CTNNA3: variants seen among roughly 807,000 people sequenced by gnomAD.
The protein encoded by CTNNA3 is catenin alpha-3.
A neutral mutation model predicts 95.7 loss-of-function variants in CTNNA3; 76 were observed. The observed-to-expected ratio is 0.79, with a 90% CI of 0.66 to 0.96. The LOEUF (loss-of-function observed/expected upper bound fraction) is 0.96, where lower values mean the gene tolerates loss of function less well. Ranked by LOEUF, CTNNA3 falls within the 40% of genes least tolerant of loss-of-function variation. CTNNA3 has a pLI of 0.00. For synonymous variants in CTNNA3, 431 were observed against 374.4 expected (o/e 1.15, Z -1.74); for missense variants, 1,191 against 1,089.8 (o/e 1.09, Z -1.31).
At chr10:66,978,962 T>G (rs1311289616) in intron 7 of CTNNA3, among the ~76,000 whole-genome samples, 2 of 45,708 alleles carry the variant, frequency 4.4e-5, no homozygotes, top group African/African-American at 1.0e-4. Context: ...CTTATTTCCT[T>G]TTTTTTTTTT....
At chr10:66,971,049 C>T (rs1022120910) in intron 7 of CTNNA3, among the ~76,000 whole-genome samples, 2 of 151,936 alleles carry the variant, frequency 1.3e-5, no homozygotes, top group Non-Finnish European at 2.9e-5. Flanking sequence ...CTCTTTTTCC[C>T]CTTTGAATCA....
At chr10:66,675,936 C>G in intron 9 of CTNNA3, among the ~76,000 whole-genome samples, 1 of 152,038 alleles carries the variant, frequency 6.6e-6, no homozygotes, top group African/African-American at 2.4e-5. Context: ...AAGTTGCAAC[C>G]TGACTATATA....
intron 12 of CTNNA3, among the ~76,000 whole-genome samples, chr10:66,299,252 T>A (rs574181198): frequency 6.6e-6 from 1 of 152,212 alleles, no homozygotes; most frequent in Non-Finnish European, 1.5e-5. Context: ...TGAGGCTGTG[T>A]CACAGGCGTG....
intron 6 of CTNNA3, among the ~76,000 whole-genome samples, chr10:67,198,791 G>A (rs1160944825): frequency 1.3e-5 from 2 of 152,106 alleles, no homozygotes; most frequent in Non-Finnish European, 2.9e-5. Context: ...TGCTTTGCTA[G>A]TTATGTAATG....
At chr10:66,155,331 A>G (rs2133916392) in intron 13 of CTNNA3, among the ~76,000 whole-genome samples, 1 of 151,970 alleles carries the variant, frequency 6.6e-6, no homozygotes, top group African/African-American at 2.4e-5. Flanking sequence ...AGAGATACAA[A>G]TTATGGAATT....
At chr10:67,710,347 G>A (rs1841100555) in intron 1 of CTNNA3, among the ~76,000 whole-genome samples, 1 of 152,160 alleles carries the variant, frequency 6.6e-6, no homozygotes, top group African/African-American at 2.4e-5. Context: ...GGTACTCACA[G>A]GACCAGACCA....
At chr10:67,424,614 T>G (rs1300875176) in intron 5 of CTNNA3, among the ~76,000 whole-genome samples, 3 of 152,120 alleles carry the variant, frequency 2.0e-5, no homozygotes, top group African/African-American at 7.2e-5. Context: ...AACTTTCTTT[T>G]TTATATTTTG....
At chr10:67,058,027 C>T (rs146795464) in intron 7 of CTNNA3, among the ~76,000 whole-genome samples, 12 of 152,278 alleles carry the variant, frequency 7.9e-5, no homozygotes, top group African/African-American at 2.9e-4. Flanking sequence ...ATCATAGACA[C>T]ACCTAGAAAA....
chr10:67,215,437 G>A (rs961931666), intron 6 of CTNNA3, among the ~76,000 whole-genome samples: 2 of 152,124 alleles, frequency 1.3e-5, no homozygotes, highest in African/African-American at 4.8e-5. Context: ...GGAACCGTAT[G>A]AGAATTTTTT....
intron 11 of CTNNA3, among the ~76,000 whole-genome samples, chr10:66,458,793 T>C (rs776374982): frequency 2.0e-5 from 3 of 152,210 alleles, no homozygotes; most frequent in Non-Finnish European, 4.4e-5. Flanking sequence ...GACCATTGTA[T>C]GATAAGCCAT....
At chr10:67,719,609 T>C (rs919259153) in intron 1 of CTNNA3, among the ~76,000 whole-genome samples, 1 of 152,198 alleles carries the variant, frequency 6.6e-6, no homozygotes, top group African/African-American at 2.4e-5. Flanking sequence ...GTTGAGCGGT[T>C]TTGAGTGAGT....
intron 11 of CTNNA3, among the ~76,000 whole-genome samples, chr10:66,411,280 A>T (rs1389088296): frequency 6.6e-6 from 1 of 152,166 alleles, no homozygotes; most frequent in Non-Finnish European, 1.5e-5. Flanking sequence ...AATATAAAGC[A>T]AGTTATGTTT....
At chr10:66,180,484 C>T (rs1428654567) in intron 13 of CTNNA3, among the ~76,000 whole-genome samples, 1 of 152,056 alleles carries the variant, frequency 6.6e-6, no homozygotes, top group Non-Finnish European at 1.5e-5. Context: ...CTTTTGGAAA[C>T]ATAAAGGTAG....
intron 12 of CTNNA3, among the ~76,000 whole-genome samples, chr10:66,282,306 C>T (rs1017124992): frequency 6.6e-6 from 1 of 151,818 alleles, no homozygotes; most frequent in African/African-American, 2.4e-5. Flanking sequence ...TAATCTAGAC[C>T]TTTCTCCTTA....
At chr10:66,876,059 C>T (rs1844609618) in intron 7 of CTNNA3, among the ~76,000 whole-genome samples, 4 of 152,190 alleles carry the variant, frequency 2.6e-5, no homozygotes, top group Non-Finnish European at 5.9e-5. Flanking sequence ...AGTGATATTA[C>T]TAAGCAGAAT....
intron 4 of CTNNA3, among the ~76,000 whole-genome samples, chr10:67,527,382 C>T (rs1306020065): frequency 1.3e-5 from 2 of 152,184 alleles, no homozygotes; most frequent in African/African-American, 2.4e-5. Flanking sequence ...AAACCCACAG[C>T]AGCAGACCAT....
intron 13 of CTNNA3, among the ~76,000 whole-genome samples, chr10:66,145,666 C>A (rs2083846763): frequency 6.6e-6 from 1 of 152,128 alleles, no homozygotes; most frequent in African/African-American, 2.4e-5. Context: ...CCTGCTGAGC[C>A]AGCTTATTGC....
At chr10:66,972,155 C>T (rs961810110) in intron 7 of CTNNA3, among the ~76,000 whole-genome samples, 3 of 152,136 alleles carry the variant, frequency 2.0e-5, no homozygotes, top group Admixed American at 6.5e-5. Context: ...AAATTAACAA[C>T]ATATAGTCAA....
intron 11 of CTNNA3, among the ~76,000 whole-genome samples, chr10:66,477,231 T>C (rs1411867521): frequency 6.6e-6 from 1 of 152,156 alleles, no homozygotes; most frequent in African/African-American, 2.4e-5. Context: ...ATTTAGAACA[T>C]TTCAACTAAA....
Sources: allele counts gnomAD v4.1 joint callset (sites outside exome capture counted in the v4.1 genomes callset), GRCh38; gene constraint gnomAD v4.1.1; transcripts MANE v1.5; gene names NCBI Gene and HGNC (gene_info 2026-07-23, HGNC 2026-07-21).